CCSER1: variants seen among roughly 807,000 people sequenced by gnomAD.
The protein encoded by CCSER1 is serine-rich coiled-coil domain-containing protein 1.
Under a neutral mutation model 82.0 loss-of-function variants are expected in CCSER1, and 41 were observed. The ratio of observed to expected loss-of-function variants is 0.50; its 90% CI spans 0.39 to 0.65. CCSER1 has a LOEUF of 0.65. Among genes scored for constraint, CCSER1 ranks in the 30% least tolerant of loss-of-function variants. The pLI is 0.00. For missense variants in CCSER1, 1,119 were observed against 1,064.2 expected, an observed-to-expected ratio of 1.05 and a Z score of -0.72; for synonymous variants, 414 against 383.9, an observed-to-expected ratio of 1.08 and a Z score of -0.92.
intron 5 of CCSER1, among the ~76,000 whole-genome samples, chr4:90,504,052 T>C (rs928149848): frequency 6.6e-6 from 1 of 152,176 alleles, no homozygotes; most frequent in East Asian, 1.9e-4. Context: ...GCATTTTTCT[T>C]TCCTACTGAT....
At chr4:90,845,664 C>A (rs1223940585) in intron 8 of CCSER1, among the ~76,000 whole-genome samples, 3 of 152,026 alleles carry the variant, frequency 2.0e-5, no homozygotes, top group African/African-American at 7.2e-5. Context: ...GGCAACAAAA[C>A]CTTGAATTCA....
chr4:91,493,192 C>T (rs890151283), intron 10 of CCSER1, among the ~76,000 whole-genome samples: 1 of 150,432 alleles, frequency 6.6e-6, no homozygotes, highest in Non-Finnish European at 1.5e-5. Flanking sequence ...AGAACTATAT[C>T]CTTATATCAT....
At chr4:90,406,465 T>C (rs1753742352) in intron 4 of CCSER1, among the ~76,000 whole-genome samples, 1 of 152,136 alleles carries the variant, frequency 6.6e-6, no homozygotes, top group South Asian at 2.1e-4. Flanking sequence ...AGACAGAAAG[T>C]CAGCAAAGAA....
intron 6 of CCSER1, among the ~76,000 whole-genome samples, chr4:90,674,558 G>A (rs987617341): frequency 6.6e-6 from 1 of 151,602 alleles, no homozygotes; most frequent in African/African-American, 2.4e-5. Context: ...GACTCCTGAC[G>A]GCATTGTTTT....
chr4:90,796,104 G>A (rs1005847818), intron 7 of CCSER1, among the ~76,000 whole-genome samples: 2 of 152,060 alleles, frequency 1.3e-5, no homozygotes, highest in Non-Finnish European at 2.9e-5. Context: ...GAATTCAGCT[G>A]TGAATCCATC....
intron 10 of CCSER1, among the ~76,000 whole-genome samples, chr4:91,355,215 C>G (rs1748743228): frequency 6.7e-6 from 1 of 150,286 alleles, no homozygotes; most frequent in Non-Finnish European, 1.5e-5. Context: ...TTTTTTTTAA[C>G]TGTTTAACTT....
chr4:90,890,418 G>T (rs1412097228), intron 8 of CCSER1, among the ~76,000 whole-genome samples: 1 of 152,162 alleles, frequency 6.6e-6, no homozygotes, highest in Admixed American at 6.6e-5. Flanking sequence ...GTGTGTGGGT[G>T]TGTGCACATG....
intron 10 of CCSER1, among the ~76,000 whole-genome samples, chr4:91,265,812 A>G (rs1581869705): frequency 6.6e-6 from 1 of 152,200 alleles, no homozygotes; most frequent in African/African-American, 2.4e-5. Context: ...GAAAACGAGT[A>G]AATACAAAGA....
intron 8 of CCSER1, among the ~76,000 whole-genome samples, chr4:90,828,597 G>T (rs1430715071): frequency 6.6e-6 from 1 of 152,096 alleles, no homozygotes; most frequent in East Asian, 1.9e-4. Flanking sequence ...TTTCTGTAAG[G>T]AATAAAAAGG....
intron 10 of CCSER1, among the ~76,000 whole-genome samples, chr4:91,451,772 T>A (rs1248821661): frequency 2.0e-5 from 3 of 151,996 alleles, no homozygotes; most frequent in African/African-American, 7.2e-5. Context: ...TTAGACACTG[T>A]AGAATAAAAT....
chr4:90,485,526 C>G (rs1252513153), intron 5 of CCSER1, among the ~76,000 whole-genome samples: 2 of 151,178 alleles, frequency 1.3e-5, no homozygotes, highest in Non-Finnish European at 3.0e-5. Flanking sequence ...CCACCCCCCC[C>G]CCCCAATTTA....
At chr4:91,531,102 T>C (rs1042935657) in intron 10 of CCSER1, among the ~76,000 whole-genome samples, 6 of 152,186 alleles carry the variant, frequency 3.9e-5, no homozygotes, top group African/African-American at 1.4e-4. Context: ...CTATTTTCTA[T>C]TTAATGTATA....
At chr4:91,246,389 C>T (rs941055426) in intron 10 of CCSER1, among the ~76,000 whole-genome samples, 3 of 151,902 alleles carry the variant, frequency 2.0e-5, no homozygotes, top group Admixed American at 6.6e-5. Flanking sequence ...AATTAAAAAG[C>T]GAGAAATTAA....
intron 8 of CCSER1, among the ~76,000 whole-genome samples, chr4:90,848,775 T>C (rs574397042): frequency 6.6e-6 from 1 of 152,308 alleles, no homozygotes; most frequent in East Asian, 1.9e-4. Flanking sequence ...GGAGGTGGTT[T>C]CCCCCATGCT....
chr4:90,988,333 TC>T (rs1736736077), intron 9 of CCSER1, among the ~76,000 whole-genome samples: 1 of 37,324 alleles, frequency 2.7e-5, no homozygotes, highest in African/African-American at 1.5e-4. Context: ...ATATCTTGTC[TC>T]AAAAAAAAAA....
intron 6 of CCSER1, among the ~76,000 whole-genome samples, chr4:90,648,281 AAAG>A (rs1727990151): frequency 2.0e-5 from 2 of 99,228 alleles, no homozygotes; most frequent in African/African-American, 7.4e-5. Flanking sequence ...AGAGAGAAAG[AAAG>A]GAAAGAAAGA....
At chr4:90,413,301 GACACAAACAAATGGAA>G (rs1325778445) in intron 4 of CCSER1, among the ~76,000 whole-genome samples, 1 of 152,144 alleles carries the variant, frequency 6.6e-6, no homozygotes, top group Non-Finnish European at 1.5e-5. Context: ...AATTATCAGT[GACACAAACAAATGGAA>G]ACACATCCTA....
intron 10 of CCSER1, among the ~76,000 whole-genome samples, chr4:91,272,721 G>C (rs1742130824): frequency 6.6e-6 from 1 of 152,168 alleles, no homozygotes; most frequent in Non-Finnish European, 1.5e-5. Flanking sequence ...AATTTTTATA[G>C]TTTCAGGTCT....
chr4:90,578,617 T>C (rs1255408859), intron 5 of CCSER1, among the ~76,000 whole-genome samples: 1 of 152,204 alleles, frequency 6.6e-6, no homozygotes, highest in Non-Finnish European at 1.5e-5. Flanking sequence ...ATATCCAGAA[T>C]ATTCTCCCAT....
Sources: allele counts gnomAD v4.1 joint callset (sites outside exome capture counted in the v4.1 genomes callset), GRCh38; gene constraint gnomAD v4.1.1; transcripts MANE v1.5; gene names NCBI Gene and HGNC (gene_info 2026-07-23, HGNC 2026-07-21).